The following UBE2G1 variants were observed in gnomAD, a reference collection of about 807,000 sequenced individuals.
UBE2G1 encodes ubiquitin conjugating enzyme E2 G1.
A neutral mutation model predicts 22.7 loss-of-function variants in UBE2G1; 5 were observed. The observed-to-expected ratio is 0.22, with a 90% CI of 0.12 to 0.46. The LOEUF is 0.46. Ranked by LOEUF, UBE2G1 falls within the 20% of genes least tolerant of loss-of-function variation. The pLI, the probability that UBE2G1 is intolerant of heterozygous loss-of-function variation, is 0.99. For synonymous variants in UBE2G1, 74 were observed against 67.5 expected, an observed-to-expected ratio of 1.10 and a Z score of -0.47; for missense variants, 88 against 203.9, an observed-to-expected ratio of 0.43 and a Z score of 3.46.
At chr17:4,289,168 C>G in intron 4 of UBE2G1, 62 bp downstream of exon 4, 1 of 1,417,968 alleles carries the variant, frequency 7.1e-7, no homozygotes, top group Non-Finnish European at 9.4e-7. Flanking sequence ...TACATACTAA[C>G]TATAGTTCAG....
chr17:4,290,958 C>T (rs1250534915), intron 3 of UBE2G1, among the ~76,000 whole-genome samples: 1 of 152,108 alleles, frequency 6.6e-6, no homozygotes, highest in Admixed American at 6.5e-5. Flanking sequence ...CAGGCAAGGC[C>T]CGTGCCTTCA....
chr17:4,359,867 AC>A (rs372428997), intron 1 of UBE2G1, among the ~76,000 whole-genome samples: 1,639 of 60,410 alleles, frequency 0.027, 13 homozygotes, highest in Middle Eastern at 0.056. Context: ...AAAAAAAAAA[AC>A]AAACAAAAAA....
At chr17:4,328,559 C>A (rs1356441090) in intron 1 of UBE2G1, among the ~76,000 whole-genome samples, 1 of 152,200 alleles carries the variant, frequency 6.6e-6, no homozygotes, top group East Asian at 1.9e-4. Context: ...AGGATGCTGT[C>A]ATGCTTGCTC....
chr17:4,355,317 A>G (rs1200485175), intron 1 of UBE2G1, among the ~76,000 whole-genome samples: 1 of 150,826 alleles, frequency 6.6e-6, no homozygotes, highest in East Asian at 2.0e-4. Context: ...ATGAGTCACT[A>G]AGCCCGGCCT....
intron 1 of UBE2G1, among the ~76,000 whole-genome samples, chr17:4,339,548 AC>A (rs2143793976): frequency 1.3e-5 from 2 of 152,052 alleles, no homozygotes; most frequent in African/African-American, 4.8e-5. Flanking sequence ...CAGATGATCC[AC>A]CTGCCTTGGC....
rs1436329588 is a variant in UBE2G1 at position 4,272,482 on chromosome 17, C to T, written c.*72G>A. ...AGTCCAGCAATAGGTGGGTAGAGTG[C>T]AGGAAAAACAGTGCCATGTTTCTCA... On this transcript the variant is annotated 3_prime_UTR_variant, in exon 6 of 6. Coordinates refer to ENST00000396981, the MANE Select transcript of UBE2G1 (RefSeq NM_003342.5). The T allele has an allele frequency of 2.1e-5, 4 of 186,634 alleles. No individual in the cohort carries two copies. Among genetic ancestry groups the T allele is most frequent in the African/African-American group, 9.6e-5 (4 of 41,548 alleles). The allele number at this position is 186,634 out of a possible 1,614,324, so 11.6% of individuals were successfully genotyped here.
intron 1 of UBE2G1, among the ~76,000 whole-genome samples, chr17:4,351,143 G>C (rs1309260975): frequency 6.6e-6 from 1 of 151,874 alleles, no homozygotes; most frequent in Admixed American, 6.6e-5. Context: ...AGGTTGCAGT[G>C]AGCCTGGCTG....
chr17:4,360,283 T>C (rs1245540039), intron 1 of UBE2G1, among the ~76,000 whole-genome samples: 1 of 152,186 alleles, frequency 6.6e-6, no homozygotes, highest in Non-Finnish European at 1.5e-5. Context: ...TGCCAAATTA[T>C]TTATCCTAAA....
intron 1 of UBE2G1, among the ~76,000 whole-genome samples, chr17:4,340,366 G>C (rs1282555612): frequency 1.3e-5 from 2 of 152,278 alleles, no homozygotes; most frequent in African/African-American, 4.8e-5. Flanking sequence ...AGTTTGAGTA[G>C]ATTTTCCAAG....
chr17:4,296,477 GGT>G (rs1367618902), intron 3 of UBE2G1, among the ~76,000 whole-genome samples: 2 of 152,098 alleles, frequency 1.3e-5, no homozygotes, highest in Non-Finnish European at 2.9e-5. Flanking sequence ...TTGCCAGGCT[GGT>G]CTCCAACTCT....
At chr17:4,361,145 C>T (rs879681699) in intron 1 of UBE2G1, among the ~76,000 whole-genome samples, 3 of 151,778 alleles carry the variant, frequency 2.0e-5, no homozygotes, top group African/African-American at 7.3e-5. Context: ...ATCACTTGAA[C>T]TCAGGAGGCG....
chr17:4,292,332 AAC>A (rs1167121854), intron 3 of UBE2G1, among the ~76,000 whole-genome samples: 14 of 136,698 alleles, frequency 1.0e-4, no homozygotes, highest in African/African-American at 3.7e-4. Flanking sequence ...AAAAAAAAAA[AAC>A]CCAAACCAAA....
chr17:4,323,820 G>A (rs1159779086), intron 1 of UBE2G1, among the ~76,000 whole-genome samples: 2 of 152,174 alleles, frequency 1.3e-5, no homozygotes, highest in Non-Finnish European at 2.9e-5. Flanking sequence ...TGGGATTACA[G>A]GTGTGAGCCA....
intron 1 of UBE2G1, among the ~76,000 whole-genome samples, chr17:4,324,816 G>T (rs113871815): frequency 6.6e-6 from 1 of 151,992 alleles, no homozygotes; most frequent in Admixed American, 6.6e-5. Context: ...GGTGGCTCAC[G>T]CCCGTAATCC....
At chr17:4,358,768 A>G (rs1379909605) in intron 1 of UBE2G1, among the ~76,000 whole-genome samples, 1 of 152,152 alleles carries the variant, frequency 6.6e-6, no homozygotes, top group Non-Finnish European at 1.5e-5. Context: ...CCTGACTAAT[A>G]TAGAGAAACC....
At chr17:4,278,863 A>C (rs891072942) in intron 5 of UBE2G1, among the ~76,000 whole-genome samples, 1 of 152,220 alleles carries the variant, frequency 6.6e-6, no homozygotes, top group African/African-American at 2.4e-5. Context: ...TCAAACATGA[A>C]AACAGGATAA....
At chr17:4,293,582 T>C (rs370460497) in intron 3 of UBE2G1, among the ~76,000 whole-genome samples, 8 of 152,212 alleles carry the variant, frequency 5.3e-5, no homozygotes, top group African/African-American at 1.7e-4. Flanking sequence ...GCTTAACCTT[T>C]TGAGGACTGC....
intron 5 of UBE2G1, among the ~76,000 whole-genome samples, chr17:4,280,329 A>G (rs9906446): frequency 0.95 from 122,522 of 128,650 alleles, 58,596 homozygotes; most frequent in East Asian, 1. Context: ...GAGCCGCGGC[A>G]CCTGGGCTTT....
chr17:4,354,081 C>A (rs1041462830), intron 1 of UBE2G1, among the ~76,000 whole-genome samples: 2 of 152,152 alleles, frequency 1.3e-5, no homozygotes, highest in African/African-American at 4.8e-5. Context: ...CAACTTCTTT[C>A]AGCATAAACT....
Sources: allele counts gnomAD v4.1 joint callset (sites outside exome capture counted in the v4.1 genomes callset), GRCh38; gene constraint gnomAD v4.1.1; transcripts MANE v1.5; gene names NCBI Gene and HGNC (gene_info 2026-07-23, HGNC 2026-07-21).